ASXL3: variants seen among roughly 807,000 people sequenced by gnomAD.
The protein encoded by ASXL3 is putative Polycomb group protein ASXL3.
Under a neutral mutation model 170.6 loss-of-function variants are expected in ASXL3, and 34 were observed. That is an observed-to-expected ratio of 0.20 (90% CI 0.15 to 0.27). ASXL3 has a LOEUF of 0.27. Among genes scored for constraint, ASXL3 ranks in the 10% least tolerant of loss-of-function variants. ASXL3 has a pLI of 1.00. For synonymous variants in ASXL3, 1,002 were observed against 989.1 expected (o/e 1.01, Z -0.24); for missense variants, 2,592 against 2,695.3 (o/e 0.96, Z 0.85).
intron 8 of ASXL3, among the ~76,000 whole-genome samples, chr18:33,729,356 T>C (rs1302780284): frequency 6.6e-6 from 1 of 152,144 alleles, no homozygotes; most frequent in Non-Finnish European, 1.5e-5. Context: ...ACTCTGCATC[T>C]CCAGGCTGTA....
chr18:33,606,277 C>T (rs997659542), intron 1 of ASXL3, among the ~76,000 whole-genome samples: 4 of 151,918 alleles, frequency 2.6e-5, no homozygotes, highest in South Asian at 2.1e-4. Context: ...TTCACATATT[C>T]GTTGCCATAC....
chr18:33,636,326 ACAACAACAG>A lies in ASXL3; in HGVS notation c.138-8559_138-8551del, dbSNP rs1360395379. On this transcript the variant is annotated intron_variant, in intron 2 of 11. Transcript: ENST00000269197. ...TGATTCAACAACAACAACAACAACA[ACAACAACAG>A]CAACAACAACAGCCACAACAACAGC... 7.5e-3 allele frequency among the ~76,000 whole-genome samples: 793 copies of A among 105,710 alleles called. 4 individuals carry two copies. Among genetic ancestry groups the A allele is most frequent in the Non-Finnish European group, 0.01 (518 of 49,908 alleles). 69.3% of individuals were successfully genotyped at this position (105,710 alleles called of 152,430 possible).
At chr18:33,719,358 C>T (rs1341510930) in intron 8 of ASXL3, among the ~76,000 whole-genome samples, 1 of 151,948 alleles carries the variant, frequency 6.6e-6, no homozygotes, top group Non-Finnish European at 1.5e-5. Flanking sequence ...ATTTTCCCTT[C>T]TTGTACTTCT....
intron 8 of ASXL3, among the ~76,000 whole-genome samples, chr18:33,705,625 T>C (rs2145335524): frequency 6.6e-6 from 1 of 152,044 alleles, no homozygotes; most frequent in South Asian, 2.1e-4. Context: ...TCTGATATTA[T>C]GAATGCCAAA....
At chr18:33,628,214 C>T (rs976613330) in intron 2 of ASXL3, among the ~76,000 whole-genome samples, 2 of 152,078 alleles carry the variant, frequency 1.3e-5, no homozygotes, top group Non-Finnish European at 2.9e-5. Context: ...TCTTGCCTAA[C>T]TTCACACAAT....
Position 33,743,163 on chromosome 18 carries a change from G to A in ASXL3, c.3315G>A (p.Gln1105=). The part of the protein sequence containing the change: ...KTRTLAHIKE[Q]TKAKLFAKHQ... ...GAACTCTGGCACACATCAAAGAGCA[G>A]ACAAAGGCTAAGCTCTTTGCAAAGC... is the stretch of plus-strand genomic sequence containing the variant. The change falls in exon 12 of 12, where the codon CAG becomes CAA. Residue 1105 remains glutamine, a synonymous_variant. Coordinates refer to ENST00000269197, the MANE Select transcript of ASXL3 (RefSeq NM_030632.3). The A allele has an allele frequency of 1.9e-6, 3 of 1,613,914 alleles. No individual in the cohort carries two copies. Among genetic ancestry groups the A allele is most frequent in the East Asian group, 4.5e-5 (2 of 44,876 alleles).
intron 8 of ASXL3, among the ~76,000 whole-genome samples, chr18:33,699,973 A>G (rs1353240640): frequency 6.6e-6 from 1 of 152,086 alleles, no homozygotes; most frequent in Non-Finnish European, 1.5e-5. Flanking sequence ...CTTTTTGAGA[A>G]CCATTTCATT....
intron 10 of ASXL3, among the ~76,000 whole-genome samples, chr18:33,735,890 T>C (rs1034067782): frequency 6.6e-6 from 1 of 152,180 alleles, no homozygotes; most frequent in African/African-American, 2.4e-5. Context: ...ACCTAAGCTC[T>C]GCTCCCAGAG....
chr18:33,593,033 G>A (rs1310904492), intron 1 of ASXL3, among the ~76,000 whole-genome samples: 3 of 152,092 alleles, frequency 2.0e-5, no homozygotes, highest in Admixed American at 6.5e-5. Flanking sequence ...AGAGAGAGTA[G>A]AACAATCGTT....
At chr18:33,588,563 A>G (rs1214573264) in intron 1 of ASXL3, among the ~76,000 whole-genome samples, 2 of 152,110 alleles carry the variant, frequency 1.3e-5, no homozygotes, top group Non-Finnish European at 2.9e-5. Flanking sequence ...TGCTTATTGC[A>G]TGAGACACTG....
chr18:33,715,824 A>G (rs1283475373), intron 8 of ASXL3, among the ~76,000 whole-genome samples: 1 of 152,198 alleles, frequency 6.6e-6, no homozygotes, highest in Non-Finnish European at 1.5e-5. Context: ...GTGGTAGGTA[A>G]TAAAGAGAAG....
rs762587957 is a variant in ASXL3 at position 33,739,308 on chromosome 18, C to T, written c.1904C>T (p.Thr635Ile). Residue 635 changes from threonine to isoleucine, a missense_variant, in exon 11 of 12, where the codon ACA (threonine) becomes ATA (isoleucine). Transcript: ENST00000269197. ...LPSPGGETQS[T>I]SEESCTPASL... ...TCTCCAGGAGGGGAAACACAGTCCA[C>T]ATCAGAAGAATCATGTACTCCAGCC... The T allele has an allele frequency of 5.1e-5, 82 of 1,613,380 alleles. 2 individuals carry two copies. In the South Asian group the frequency reaches 7.0e-4, roughly 14 times the overall value.
intron 8 of ASXL3, among the ~76,000 whole-genome samples, chr18:33,722,784 T>A (rs1277949586): frequency 6.6e-6 from 1 of 152,154 alleles, no homozygotes; most frequent in Non-Finnish European, 1.5e-5. Flanking sequence ...ATTGGGCTTT[T>A]ATAGCTAGAG....
chr18:33,716,383 C>T (rs956564675), intron 8 of ASXL3, among the ~76,000 whole-genome samples: 1 of 152,126 alleles, frequency 6.6e-6, no homozygotes, highest in African/African-American at 2.4e-5. Flanking sequence ...TAGTGTTTCC[C>T]AAACTTCATT....
intron 8 of ASXL3, among the ~76,000 whole-genome samples, chr18:33,711,780 C>T (rs2067068985): frequency 6.6e-6 from 1 of 152,164 alleles, no homozygotes; most frequent in Non-Finnish European, 1.5e-5. Context: ...ATTGTCATAG[C>T]AGTTGCCTCC....
intron 4 of ASXL3, among the ~76,000 whole-genome samples, chr18:33,654,961 G>T (rs1275730751): frequency 3.3e-5 from 5 of 152,038 alleles, no homozygotes; most frequent in African/African-American, 1.2e-4. Flanking sequence ...TTGAGTACTT[G>T]TAGGAGAGAT....
intron 10 of ASXL3, among the ~76,000 whole-genome samples, chr18:33,735,015 G>A (rs1006186475): frequency 1.3e-5 from 2 of 152,112 alleles, no homozygotes; most frequent in African/African-American, 2.4e-5. Flanking sequence ...AGGTTTAACA[G>A]AGACACATTC....
intron 1 of ASXL3, among the ~76,000 whole-genome samples, chr18:33,593,421 T>C (rs2065097413): frequency 6.6e-6 from 1 of 151,978 alleles, no homozygotes. Flanking sequence ...CAGTTTCCAC[T>C]CTTCCTTAGA....
intron 8 of ASXL3, among the ~76,000 whole-genome samples, chr18:33,717,041 A>G (rs554554170): frequency 1.6e-3 from 236 of 152,200 alleles, no homozygotes; most frequent in African/African-American, 5.2e-3. Flanking sequence ...TTCCCTATAC[A>G]TCAAGGAGGT....
Sources: gnomAD v4.1 joint callset for allele counts (sites outside exome capture counted in the v4.1 genomes callset) on GRCh38, gnomAD v4.1.1 for gene constraint, MANE v1.5 for transcripts, NCBI Gene and HGNC (gene_info 2026-07-23, HGNC 2026-07-21) for gene names.